The following IFNAR2 variants were observed in gnomAD, a reference collection of about 807,000 sequenced individuals.
The protein encoded by IFNAR2 is interferon alpha and beta receptor subunit 2.
A neutral mutation model predicts 49.4 loss-of-function variants in IFNAR2; 30 were observed. The ratio of observed to expected loss-of-function variants is 0.61; its 90% CI spans 0.45 to 0.82. The LOEUF is 0.82. IFNAR2 is among the 40% of genes least tolerant of loss of function. The pLI is 0.00. For synonymous variants in IFNAR2, 224 were observed against 234.5 expected, an observed-to-expected ratio of 0.96 and a Z score of 0.41; for missense variants, 600 against 622.7, an observed-to-expected ratio of 0.96 and a Z score of 0.39.
Position 33,263,712 on chromosome 21 carries a change from G to A in IFNAR2, c.*212G>A, listed in dbSNP as rs1041422601. The A allele has an allele frequency of 1.8e-6, 1 of 567,538 alleles. No individual in the cohort carries two copies. The highest frequency in any genetic ancestry group is 2.2e-5 in the South Asian group (1 of 45,396). The allele number at this position is 567,538 out of a possible 1,614,324, so 35.2% of individuals were successfully genotyped here. A position where few individuals can be genotyped will look rare whatever the true frequency, so the allele number is the denominator to read the frequency against. On this transcript the variant is annotated 3_prime_UTR_variant, in exon 9 of 9. Transcript: ENST00000342136. ...GTGCATTGTTTACATATTCAAAGTGGTGCACTTTGAAGGAAGCACATGTGC... is the reference window on the plus strand; with the variant it reads ...GTGCATTGTTTACATATTCAAAGTGATGCACTTTGAAGGAAGCACATGTGC...
At chr21:33,251,769 G>C (rs1222310607) in intron 6 of IFNAR2, 5 of 985,172 alleles carry the variant, frequency 5.1e-6, no homozygotes, top group Non-Finnish European at 6.0e-6. Context: ...TGCAACTACA[G>C]GAAAGAAGAG....
chr21:33,243,710 G>T lies in IFNAR2; in HGVS notation c.93G>T (p.Ser31=), dbSNP rs775529446. The change falls in exon 3 of 9, where the codon TCG becomes TCT. Residue 31 remains serine (S), a synonymous_variant. Transcript: ENST00000342136. ...ISLVFGISYD[S]PDYTDESCTF... is the part of the protein sequence containing the mutation. ...TCGTGTTTGGTATTTCATATGATTC[G>T]CCTGGTAAGAGATGTTTTTTGGCTT... The T allele has an allele frequency of 1.9e-5, 30 of 1,611,754 alleles. 1 individual carries two copies. The East Asian group carries it at 6.0e-4, about 32-fold the overall frequency.
At chr21:33,235,349 CAA>C (rs1986368316) in intron 1 of IFNAR2, among the ~76,000 whole-genome samples, 1 of 152,180 alleles carries the variant, frequency 6.6e-6, no homozygotes, top group African/African-American at 2.4e-5. Context: ...ACACCTCTGA[CAA>C]GAGCAGGGGG....
chr21:33,238,017 C>CT (rs2123455422), intron 1 of IFNAR2, among the ~76,000 whole-genome samples: 1 of 152,224 alleles, frequency 6.6e-6, no homozygotes, highest in South Asian at 2.1e-4. Context: ...GTCTGCCTTT[C>CT]TTTATGGCCC....
chr21:33,256,268 G>A (rs184388986), intron 7 of IFNAR2, among the ~76,000 whole-genome samples: 11 of 152,270 alleles, frequency 7.2e-5, no homozygotes, highest in Non-Finnish European at 1.5e-4. Context: ...GCGTGAATGC[G>A]TCATGTTGCA....
chr21:33,259,307 C>G (rs1988415417), intron 7 of IFNAR2, among the ~76,000 whole-genome samples: 1 of 152,052 alleles, frequency 6.6e-6, no homozygotes, highest in South Asian at 2.1e-4. Context: ...TGAGTCAGAA[C>G]ATTGATGGGA....
chr21:33,247,649 AGAG>A (rs1254111910), intron 5 of IFNAR2, among the ~76,000 whole-genome samples: 1 of 152,164 alleles, frequency 6.6e-6, no homozygotes, highest in Non-Finnish European at 1.5e-5. Flanking sequence ...CCCAAAGCTC[AGAG>A]GAGAAGACTA....
intron 6 of IFNAR2, chr21:33,252,066 G>C (rs1199116626): frequency 5.3e-6 from 2 of 374,420 alleles, no homozygotes; most frequent in Admixed American, 2.9e-5. Context: ...CTGGGCAACA[G>C]AGTGAGACCC....
chr21:33,233,623 C>T (rs1242870126), intron 1 of IFNAR2, among the ~76,000 whole-genome samples: 1 of 152,154 alleles, frequency 6.6e-6, no homozygotes, highest in Non-Finnish European at 1.5e-5. Context: ...TGTGAGGAAA[C>T]AGTTCCAAGG....
chr21:33,252,079 T>G (rs1022306181), intron 6 of IFNAR2: 43 of 410,272 alleles, frequency 1.0e-4, no homozygotes, highest in Middle Eastern at 3.6e-4. Flanking sequence ...TGAGACCCCA[T>G]CCATCTATCT....
intron 1 of IFNAR2, chr21:33,234,703 C>G: frequency 2.0e-6 from 2 of 981,312 alleles, no homozygotes; most frequent in Non-Finnish European, 2.4e-6. Context: ...GCAGGTAGAG[C>G]TCTTCTTTCA....
intron 1 of IFNAR2, among the ~76,000 whole-genome samples, chr21:33,237,853 A>G (rs931222092): frequency 1.3e-5 from 2 of 152,188 alleles, no homozygotes; most frequent in African/African-American, 4.8e-5. Flanking sequence ...CATTGTTTTT[A>G]GCTTGAACTT....
chr21:33,246,960 A>G (rs963626802), intron 5 of IFNAR2, 70 bp downstream of exon 5: 2 of 1,359,322 alleles, frequency 1.5e-6, no homozygotes, highest in East Asian at 2.4e-5. Flanking sequence ...ATTCCATGAA[A>G]TAGGAGGTCT....
chr21:33,246,532 A>T (rs925148105), intron 4 of IFNAR2, among the ~76,000 whole-genome samples, 186 bp from the exon 5 acceptor site: 7 of 152,298 alleles, frequency 4.6e-5, no homozygotes, highest in Non-Finnish European at 8.8e-5. Flanking sequence ...AAAGAGAGGG[A>T]TTGAAAGTGC....
intron 7 of IFNAR2, among the ~76,000 whole-genome samples, chr21:33,258,478 G>T (rs1988359033): frequency 6.6e-6 from 1 of 152,166 alleles, no homozygotes; most frequent in Admixed American, 6.5e-5. Flanking sequence ...AAGGAGTTCA[G>T]TCCTGCCAAC....
chr21:33,240,814 C>CA (rs35515030), intron 1 of IFNAR2, among the ~76,000 whole-genome samples: 80,532 of 138,430 alleles, frequency 0.58, 22,840 homozygotes, highest in East Asian at 0.7. Context: ...AGACCCGTCT[C>CA]AAAAAAAAAA....
chr21:33,243,828 T>C, intron 3 of IFNAR2, 114 bp downstream of exon 3: 1 of 820,048 alleles, frequency 1.2e-6, no homozygotes, highest in Non-Finnish European at 2.1e-6. Flanking sequence ...ATCTGTTGCC[T>C]GTTTTATTGG....
At chr21:33,257,922 A>C (rs1004026675) in intron 7 of IFNAR2, among the ~76,000 whole-genome samples, 1 of 152,176 alleles carries the variant, frequency 6.6e-6, no homozygotes, top group African/African-American at 2.4e-5. Flanking sequence ...TGGTAAGCAG[A>C]ATAATGGCCC....
At chr21:33,238,017 CTTT>C (rs1986609316) in intron 1 of IFNAR2, among the ~76,000 whole-genome samples, 1 of 152,106 alleles carries the variant, frequency 6.6e-6, no homozygotes, top group African/African-American at 2.4e-5. Context: ...GTCTGCCTTT[CTTT>C]ATGGCCCAGG....
Sources: allele counts gnomAD v4.1 joint callset (sites outside exome capture counted in the v4.1 genomes callset), GRCh38; gene constraint gnomAD v4.1.1; transcripts MANE v1.5; gene names NCBI Gene and HGNC (gene_info 2026-07-23, HGNC 2026-07-21).